The following MAP3K3 variants were observed in gnomAD, a reference collection of about 807,000 sequenced individuals.
MAP3K3 encodes mitogen-activated protein kinase kinase kinase 3.
In MAP3K3, 12 loss-of-function variants were observed where a neutral mutation model predicts 80.9. The ratio of observed to expected loss-of-function variants is 0.15; its 90% confidence interval spans 0.10 to 0.24. The LOEUF is 0.24. Among genes scored for constraint, MAP3K3 ranks in the 10% least tolerant of loss-of-function variants. The pLI is 1.00. For synonymous variants in MAP3K3, 272 were observed against 307.1 expected, an observed-to-expected ratio of 0.89 and a Z score of 1.19; for missense variants, 596 against 834.7, an observed-to-expected ratio of 0.71 and a Z score of 3.52.
At chr17:63,643,427 C>A (rs963622023) in intron 2 of MAP3K3, among the ~76,000 whole-genome samples, 9 of 152,020 alleles carry the variant, frequency 5.9e-5, no homozygotes, top group African/African-American at 2.2e-4. Flanking sequence ...GAATCAATCA[C>A]CTGTGCCCGG....
chr17:63,638,456 G>T (rs2034376009), intron 2 of MAP3K3, among the ~76,000 whole-genome samples: 1 of 151,988 alleles, frequency 6.6e-6, no homozygotes, highest in Admixed American at 6.5e-5. Context: ...AAGCTTTTTG[G>T]GCTACATGTT....
intron 6 of MAP3K3, among the ~76,000 whole-genome samples, chr17:63,679,792 T>C (rs58577498): frequency 0.024 from 3,623 of 152,224 alleles, 131 homozygotes; most frequent in African/African-American, 0.082. Flanking sequence ...TTTTGAGCAA[T>C]AGGAAATATA....
chr17:63,657,386 G>T (rs760423316), intron 4 of MAP3K3, among the ~76,000 whole-genome samples: 5 of 152,092 alleles, frequency 3.3e-5, no homozygotes, highest in Admixed American at 6.6e-5. Flanking sequence ...TTTATGAATT[G>T]AATTGAATAT....
At chr17:63,667,334 G>A (rs762648029) in intron 6 of MAP3K3, among the ~76,000 whole-genome samples, 56 of 152,164 alleles carry the variant, frequency 3.7e-4, no homozygotes, top group Admixed American at 3.3e-3. Context: ...TCAGACATCT[G>A]CTTGAAGACT....
chr17:63,677,177 A>G (rs2035236873), intron 6 of MAP3K3, among the ~76,000 whole-genome samples: 1 of 152,234 alleles, frequency 6.6e-6, no homozygotes. Flanking sequence ...AGTTGAGGAA[A>G]TTGAGGTGAG....
chr17:63,640,205 A>G (rs2034412060), intron 2 of MAP3K3, among the ~76,000 whole-genome samples: 1 of 152,200 alleles, frequency 6.6e-6, no homozygotes, highest in Admixed American at 6.5e-5. Context: ...ACTTGAACCC[A>G]GGAGCTCAAA....
At chr17:63,645,579 A>T (rs1444565542) in intron 2 of MAP3K3, among the ~76,000 whole-genome samples, 1 of 152,220 alleles carries the variant, frequency 6.6e-6, no homozygotes, top group Non-Finnish European at 1.5e-5. Context: ...TACTCTACAG[A>T]TGGAAAAACT....
intron 3 of MAP3K3, among the ~76,000 whole-genome samples, chr17:63,646,748 G>GA (rs1363763905): frequency 2.6e-5 from 4 of 152,162 alleles, no homozygotes; most frequent in Admixed American, 1.3e-4. Flanking sequence ...GTTCTCAGTA[G>GA]AAAAAATGTG....
At chr17:63,680,378 A>G (rs1206255513) in intron 6 of MAP3K3, among the ~76,000 whole-genome samples, 1 of 152,228 alleles carries the variant, frequency 6.6e-6, no homozygotes. Flanking sequence ...GGTTCAGGAT[A>G]AGAGTCTTAC....
chr17:63,676,282 G>A (rs2035218247), intron 6 of MAP3K3, among the ~76,000 whole-genome samples: 1 of 152,192 alleles, frequency 6.6e-6, no homozygotes, highest in African/African-American at 2.4e-5. Context: ...CTGTAGTGCT[G>A]GCCTCCTGTG....
At chr17:63,673,787 T>C (rs2035159338) in intron 6 of MAP3K3, among the ~76,000 whole-genome samples, 1 of 152,114 alleles carries the variant, frequency 6.6e-6, no homozygotes, top group African/African-American at 2.4e-5. Context: ...GGCAGGTGCC[T>C]GTAATTCGAG....
chr17:63,645,908 C>G, intron 2 of MAP3K3, 126 bp from the exon 3 acceptor site: 2 of 704,998 alleles, frequency 2.8e-6, no homozygotes, highest in South Asian at 3.0e-5. Flanking sequence ...GGAAGAGAAG[C>G]TGGACCAGGA....
At position 63,690,144 on chromosome 17, in the gene MAP3K3, T is replaced by C. The variant is rs188826925; in HGVS notation, c.1064-120T>C. 5.1e-6 allele frequency: 6 copies of C among 1,166,084 alleles called. No homozygotes were observed. In the East Asian group the frequency reaches 1.4e-4, roughly 27 times the overall value. 72.2% of individuals were successfully genotyped at this position (1,166,084 alleles called of 1,614,324 possible). On this transcript the variant is annotated intron_variant, in intron 11 of 15. Transcript: ENST00000361733. ...CCAGATTGTGGTGGAGATGCTCTAC[T>C]AAGAGATGATGGGTGCTGGGTGAGG...
chr17:63,628,651 G>T (rs561774987), intron 1 of MAP3K3, among the ~76,000 whole-genome samples: 9 of 151,872 alleles, frequency 5.9e-5, no homozygotes, highest in Non-Finnish European at 1.3e-4. Flanking sequence ...TGAGCCCCTG[G>T]GCCCTGCCAA....
intron 7 of MAP3K3, 54 bp downstream of exon 7, chr17:63,681,953 C>T: frequency 7.6e-7 from 1 of 1,318,694 alleles, no homozygotes; most frequent in Non-Finnish European, 9.8e-7. Flanking sequence ...AGACCAAGCT[C>T]ATAACAAGGG....
chr17:63,622,836 AC>A, intron 1 of MAP3K3, 73 bp downstream of exon 1: 1 of 396,952 alleles, frequency 2.5e-6, no homozygotes, highest in East Asian at 9.4e-5. Flanking sequence ...AGGGAGGAGG[AC>A]CCTGGGCCAC....
intron 5 of MAP3K3, among the ~76,000 whole-genome samples, chr17:63,662,650 A>ATTTTTTTTTTTTTTTTT (rs1192833142): frequency 1.2e-5 from 1 of 82,564 alleles, no homozygotes; most frequent in African/African-American, 5.9e-5. Flanking sequence ...AGAAGAGGGA[A>ATTTTTTTTTTTTTTTTT]TTTTTTTTTT....
intron 6 of MAP3K3, among the ~76,000 whole-genome samples, chr17:63,677,331 T>C (rs1383971732): frequency 6.6e-6 from 1 of 152,234 alleles, no homozygotes; most frequent in African/African-American, 2.4e-5. Flanking sequence ...GACATGTGGA[T>C]TGAATTGCCA....
At chr17:63,663,500 C>CAAA (rs201343358) in intron 5 of MAP3K3, among the ~76,000 whole-genome samples, 1 of 94,268 alleles carries the variant, frequency 1.1e-5, no homozygotes, top group Non-Finnish European at 2.3e-5. Context: ...AACTCCGTCT[C>CAAA]AAAAAAAAAA....
Sources: gnomAD v4.1 joint callset for allele counts (sites outside exome capture counted in the v4.1 genomes callset) on GRCh38, gnomAD v4.1.1 for gene constraint, MANE v1.5 for transcripts, NCBI Gene and HGNC (gene_info 2026-07-23, HGNC 2026-07-21) for gene names.